The following PHACTR3 variants were observed in gnomAD, a reference collection of about 807,000 sequenced individuals.
PHACTR3 encodes the protein protein phosphatase 1, regulatory subunit 123.
A neutral mutation model predicts 66.8 loss-of-function variants in PHACTR3; 16 were observed. The observed-to-expected ratio is 0.24, with a 90% CI of 0.16 to 0.36. The LOEUF (loss-of-function observed/expected upper bound fraction) is 0.36. Among genes scored for constraint, PHACTR3 ranks in the 10% least tolerant of loss-of-function variants. The probability of loss-of-function intolerance (pLI) is 1.00; values close to 1 mark genes in which losing one functional copy is unlikely to be tolerated. For missense variants in PHACTR3, 647 were observed against 719.9 expected (o/e 0.90, Z 1.16); for synonymous variants, 323 against 292.1 (o/e 1.11, Z -1.08).
At chr20:59,669,424 A>C (rs777519987) in intron 1 of PHACTR3, among the ~76,000 whole-genome samples, 1 of 152,240 alleles carries the variant, frequency 6.6e-6, no homozygotes, top group South Asian at 2.1e-4. Context: ...ATCCATGGCC[A>C]AGCTGCCTTG....
intron 8 of PHACTR3, among the ~76,000 whole-genome samples, chr20:59,814,482 A>G (rs1037099726): frequency 1.3e-5 from 2 of 152,168 alleles, no homozygotes; most frequent in Non-Finnish European, 1.5e-5. Flanking sequence ...CAGTGCTTCC[A>G]TCCACTTGTG....
chr20:59,620,674 C>T (rs2034198368), intron 1 of PHACTR3, among the ~76,000 whole-genome samples: 1 of 152,188 alleles, frequency 6.6e-6, no homozygotes, highest in East Asian at 1.9e-4. Flanking sequence ...GTTGCTCAGC[C>T]AGGTGCCTCT....
In PHACTR3 at chr20:59,847,364, T is replaced by TA. The variant is rs2059169738; in HGVS notation, c.*236dup. ...AGGAGTGTGAACTGTTGGGGTCAGT[T>TA]AAGACCCAACATAACTCTATCAGAA... On this transcript the variant is annotated 3_prime_UTR_variant, in exon 13 of 13. Transcript: ENST00000371015. 2.5e-6 allele frequency: 1 copy of TA among 400,938 alleles called. No homozygotes were observed. Among genetic ancestry groups the TA allele is most frequent in the East Asian group, 3.3e-5 (1 of 30,452 alleles). 24.8% of individuals were successfully genotyped at this position (400,938 alleles called of 1,614,324 possible).
At chr20:59,751,978 T>G (rs2039608363) in intron 3 of PHACTR3, among the ~76,000 whole-genome samples, 1 of 152,172 alleles carries the variant, frequency 6.6e-6, no homozygotes, top group South Asian at 2.1e-4. Context: ...CTTTCCTCCA[T>G]CTCCCTGTAT....
chr20:59,661,522 C>T (rs1011339368), intron 1 of PHACTR3, among the ~76,000 whole-genome samples: 1 of 152,196 alleles, frequency 6.6e-6, no homozygotes, highest in Non-Finnish European at 1.5e-5. Context: ...TGGCTGAGTT[C>T]ATCCTGATAC....
chr20:59,792,040 C>A (rs1306731493), intron 7 of PHACTR3, among the ~76,000 whole-genome samples: 2 of 152,122 alleles, frequency 1.3e-5, no homozygotes, highest in East Asian at 3.9e-4. Context: ...TGTCTCCCCA[C>A]TCACCTAGGA....
At chr20:59,743,049 C>T (rs2039226788) in intron 1 of PHACTR3, 58 bp from the exon 2 acceptor site, 1 of 1,571,440 alleles carries the variant, frequency 6.4e-7, no homozygotes, top group African/African-American at 1.4e-5. Flanking sequence ...CCTTGGGCCC[C>T]CAGGAGTCAC....
intron 1 of PHACTR3, among the ~76,000 whole-genome samples, chr20:59,643,133 G>A (rs1023757599): frequency 3.9e-5 from 6 of 152,198 alleles, no homozygotes; most frequent in African/African-American, 1.4e-4. Context: ...GGATGGTCTC[G>A]ATCTCATGAC....
At chr20:59,753,605 C>T (rs187912376) in intron 3 of PHACTR3, among the ~76,000 whole-genome samples, 1 of 152,332 alleles carries the variant, frequency 6.6e-6, no homozygotes, top group East Asian at 1.9e-4. Flanking sequence ...ACAGAAAGCA[C>T]ATGTAAAGTG....
At chr20:59,605,194 G>A (rs574341370) in intron 1 of PHACTR3, 62 bp downstream of exon 1, 1,435 of 1,160,674 alleles carry the variant, frequency 1.2e-3, no homozygotes, top group Non-Finnish European at 1.3e-3. Context: ...GGCGCTGAGA[G>A]CAGGACCCCG....
chr20:59,707,483 C>T (rs915842062), intron 1 of PHACTR3, among the ~76,000 whole-genome samples: 203 of 83,470 alleles, frequency 2.4e-3, no homozygotes, highest in African/African-American at 8.6e-3. Flanking sequence ...TTTTTTGAGG[C>T]GGAGTCTCTC....
At chr20:59,635,201 T>TTTCTTTCTTTCCTTCTTTCC (rs1555881193) in intron 1 of PHACTR3, among the ~76,000 whole-genome samples, 1 of 29,312 alleles carries the variant, frequency 3.4e-5, no homozygotes, top group Non-Finnish European at 7.0e-5. Context: ...TTTCTCTTTC[T>TTTCTTTCTTTCCTTCTTTCC]TTCTTTCCTT....
At chr20:59,843,135 T>C (rs2059094445) in intron 11 of PHACTR3, among the ~76,000 whole-genome samples, 1 of 151,698 alleles carries the variant, frequency 6.6e-6, no homozygotes. Context: ...GTACCAAAAA[T>C]ACCTGAAAAT....
At chr20:59,784,235 C>A (rs1214490866) in intron 7 of PHACTR3, among the ~76,000 whole-genome samples, 74 of 152,080 alleles carry the variant, frequency 4.9e-4, no homozygotes, top group Non-Finnish European at 2.9e-5. Context: ...GACTGTACAG[C>A]CCCCGCAATC....
intron 12 of PHACTR3, among the ~76,000 whole-genome samples, chr20:59,846,603 A>T (rs1002841223): frequency 3.9e-5 from 6 of 152,256 alleles, no homozygotes; most frequent in Admixed American, 3.9e-4. Context: ...TTTAGTAAAG[A>T]TGTTTATTGT....
intron 1 of PHACTR3, among the ~76,000 whole-genome samples, chr20:59,734,983 C>A (rs1324425727): frequency 6.6e-6 from 1 of 151,984 alleles, no homozygotes; most frequent in African/African-American, 2.4e-5. Context: ...GTTCCAGGTA[C>A]CTTAGTTTTC....
chr20:59,835,185 G>A (rs1315168341), intron 8 of PHACTR3, among the ~76,000 whole-genome samples: 1 of 152,150 alleles, frequency 6.6e-6, no homozygotes, highest in African/African-American at 2.4e-5. Flanking sequence ...TGGCCTTTGG[G>A]GTGTTTTGAC....
Position 59,730,511 on chromosome 20 carries a change from G to GCA in PHACTR3, c.119-12596_119-12595insCA, listed in dbSNP as rs1568755664. On this transcript the variant is annotated intron_variant, in intron 1 of 12. Transcript: ENST00000371015. ...AGGCCCTGTTTGCTTGCTTGCTTGCGGGGTAGGCAGGAGTGGAAGCGGGAA... is the reference window on the plus strand; with the variant it reads ...AGGCCCTGTTTGCTTGCTTGCTTGCGCAGGGTAGGCAGGAGTGGAAGCGGGAA... Among the ~76,000 whole-genome samples, 234 of 152,098 alleles carry GCA rather than the reference G, an allele frequency of 1.5e-3. 1 individual carries two copies. The highest frequency in any genetic ancestry group is 5.4e-3 in the African/African-American group (224 of 41,478).
intron 4 of PHACTR3, among the ~76,000 whole-genome samples, chr20:59,759,301 A>G (rs952877491): frequency 2.6e-5 from 4 of 152,226 alleles, no homozygotes; most frequent in African/African-American, 9.6e-5. Flanking sequence ...CAACATCCCT[A>G]TAAACGGGGT....
Sources: gnomAD v4.1 joint callset for allele counts (sites outside exome capture counted in the v4.1 genomes callset) on GRCh38, gnomAD v4.1.1 for gene constraint, MANE v1.5 for transcripts, NCBI Gene and HGNC (gene_info 2026-07-23, HGNC 2026-07-21) for gene names.